Variants in GRIA3 observed in about 807,000 individuals in gnomAD.
The protein encoded by GRIA3 is glutamate ionotropic receptor AMPA type subunit 3.
In GRIA3, 3 loss-of-function variants were observed where a neutral mutation model predicts 63.0. The observed-to-expected ratio is 0.05, with a 90% confidence interval of 0.02 to 0.12. The LOEUF (loss-of-function observed/expected upper bound fraction) is 0.12, where lower values mean the gene tolerates loss of function less well. Among genes scored for constraint, GRIA3 ranks in the 10% least tolerant of loss-of-function variants. GRIA3 has a pLI of 1.00. For synonymous variants in GRIA3, 274 were observed against 257.9 expected, an observed-to-expected ratio of 1.06 and a Z score of -0.60; for missense variants, 347 against 700.9, an observed-to-expected ratio of 0.50 and a Z score of 5.70.
At chrX:123,345,557 G>A (rs774587928) in intron 4 of GRIA3, among the ~76,000 whole-genome samples, 1 of 110,127 alleles carries the variant, frequency 9.1e-6, no homozygotes, top group East Asian at 2.8e-4. Flanking sequence ...TGCTAGGGGC[G>A]GGAGAGGATG....
intron 2 of GRIA3, among the ~76,000 whole-genome samples, chrX:123,191,925 A>T (rs1241730351): frequency 9.0e-6 from 1 of 111,399 alleles, no homozygotes; most frequent in East Asian, 2.8e-4. Context: ...GGACTATGGG[A>T]AACATACTGC....
At chrX:123,203,126 G>A (rs757667305) in intron 2 of GRIA3, among the ~76,000 whole-genome samples, 12 of 111,993 alleles carry the variant, frequency 1.1e-4, no homozygotes, top group African/African-American at 3.9e-4. Context: ...TCCTCTGACA[G>A]CCTCAGTGAA....
intron 11 of GRIA3, among the ~76,000 whole-genome samples, chrX:123,422,700 T>C (rs1351352418): frequency 8.9e-6 from 1 of 112,506 alleles, no homozygotes; most frequent in East Asian, 2.8e-4. Flanking sequence ...GCCTAGCATG[T>C]AAGTTCTCAA....
intron 3 of GRIA3, among the ~76,000 whole-genome samples, chrX:123,320,150 C>A (rs191904514): frequency 3.0e-3 from 333 of 111,407 alleles, no homozygotes; most frequent in Middle Eastern, 9.3e-3. Context: ...TGGACACTAA[C>A]CTTCTGTGGA....
chrX:123,254,611 C>T (rs1248116219), intron 3 of GRIA3, among the ~76,000 whole-genome samples: 1 of 112,042 alleles, frequency 8.9e-6, no homozygotes, highest in Non-Finnish European at 1.9e-5. Context: ...GGCCATTTTG[C>T]TCTTGGGAAT....
chrX:123,387,519 G>C (rs1209484438), intron 5 of GRIA3, among the ~76,000 whole-genome samples: 1 of 111,323 alleles, frequency 9.0e-6, no homozygotes, highest in African/African-American at 3.3e-5. Flanking sequence ...CCATTTCTCA[G>C]AGGAAAGGTT....
rs374514027 is a variant in GRIA3 at position 123,404,520 on chromosome X, CAA to C, written c.1294-171_1294-170del. Among the ~76,000 whole-genome samples, 511 of 65,453 alleles carry C rather than the reference CAA, an allele frequency of 7.8e-3. 3 individuals carry two copies. Among genetic ancestry groups the C allele is most frequent in the African/African-American group, 0.026 (468 of 18,299 alleles). The allele number at this position is 65,453 out of a possible 115,157, so 56.8% of individuals were successfully genotyped here. A position where few individuals can be genotyped will look rare whatever the true frequency, so the allele number is the denominator to read the frequency against. ...ATTACCAGTTAAGGACTCCCCCTAC[CAA>C]AAAAAAAAAAAAAAAAGTGACCCAA... On this transcript the variant is annotated intron_variant, in intron 9 of 15. Transcript: ENST00000620443.
chrX:123,440,127 C>T (rs2045665794), intron 12 of GRIA3, among the ~76,000 whole-genome samples: 1 of 112,385 alleles, frequency 8.9e-6, no homozygotes, highest in East Asian at 2.8e-4. Flanking sequence ...GACATGATCT[C>T]GTTCTTTTTT....
chrX:123,465,877 C>A, intron 13 of GRIA3: 2 of 701,013 alleles, frequency 2.9e-6, no homozygotes, highest in Non-Finnish European at 4.6e-6. Flanking sequence ...GAGCACAAGA[C>A]TCACACATAA....
At position 123,477,048 on chromosome X, in the gene GRIA3, T is replaced by C. The variant is rs188521543; in HGVS notation, c.2325-3015T>C. On this transcript the variant is annotated intron_variant, in intron 13 of 15. Transcript: ENST00000620443. ...ATGGCCTAAGGCAGGGATAAGCCAT[T>C]GTTCAGAAGTAGGATGCTAAGTCAC... is the stretch of plus-strand genomic sequence containing the variant. 5.3e-3 allele frequency among the ~76,000 whole-genome samples: 590 copies of C among 111,726 alleles called. 4 individuals carry two copies. Among genetic ancestry groups the C allele is most frequent in the African/African-American group, 0.019 (575 of 30,765 alleles).
intron 2 of GRIA3, among the ~76,000 whole-genome samples, chrX:123,249,624 T>C (rs1158150322): frequency 3.6e-5 from 4 of 111,713 alleles, no homozygotes; most frequent in Non-Finnish European, 7.5e-5. Context: ...TGAAGGACAG[T>C]TGTACTTCTG....
Position 123,372,711 on chromosome X carries a change from AT to A in GRIA3, c.750+17749del, listed in dbSNP as rs760939213. 3.6e-5 allele frequency among the ~76,000 whole-genome samples: 4 copies of A among 111,414 alleles called. No homozygotes were observed. The Admixed American group carries it at 3.8e-4, about 11-fold the overall frequency. On this transcript the variant is annotated intron_variant, in intron 5 of 15. Coordinates refer to ENST00000620443, the MANE Select transcript of GRIA3 (RefSeq NM_007325.5). ...ATATAGAAATGCTACTGATTTTCAT[AT>A]GTTAATTTTCTATCCTGCAACTTTC...
At chrX:123,477,488 C>A (rs1603178420) in intron 13 of GRIA3, among the ~76,000 whole-genome samples, 2 of 111,890 alleles carry the variant, frequency 1.8e-5, no homozygotes, top group East Asian at 5.6e-4. Context: ...ATTTCTGCTT[C>A]TTCAATCAAT....
At chrX:123,195,053 T>A (rs771986768) in intron 2 of GRIA3, among the ~76,000 whole-genome samples, 1 of 113,322 alleles carries the variant, frequency 8.8e-6, no homozygotes, top group Admixed American at 9.3e-5. Context: ...CTTTCTTTGC[T>A]TATTAGCTAA....
At chrX:123,463,568 AAGGAAGGAAGGGAGGG>A (rs1384293372) in intron 12 of GRIA3, among the ~76,000 whole-genome samples, 1 of 32,050 alleles carries the variant, frequency 3.1e-5, no homozygotes, top group Non-Finnish European at 5.0e-5. Context: ...GGAAGGAAGG[AAGGAAGGAAGGGAGGG>A]AGGGAGGGAG....
Position 123,332,725 on chromosome X carries a change from T to C in GRIA3, c.696+6512T>C, listed in dbSNP as rs144348969. ...GAAGATGGTCAGGAGCCATGGTTAA[T>C]ATAAATTATAAATTTGGAGGGACAG... On this transcript the variant is annotated intron_variant, in intron 4 of 15. Coordinates refer to ENST00000620443, the MANE Select transcript of GRIA3 (RefSeq NM_007325.5). Among the ~76,000 whole-genome samples the C allele has an allele frequency of 4.2e-3, 471 of 111,716 alleles. 1 individual carries two copies. Among genetic ancestry groups the C allele is most frequent in the African/African-American group, 0.014 (428 of 30,768 alleles).
At chrX:123,204,188 G>A (rs757220057) in intron 2 of GRIA3, among the ~76,000 whole-genome samples, 3 of 111,934 alleles carry the variant, frequency 2.7e-5, no homozygotes, top group Non-Finnish European at 5.6e-5. Context: ...AAGCCAATGA[G>A]AGAACTAATT....
chrX:123,485,471 C>G (rs1255345103), intron 15 of GRIA3, among the ~76,000 whole-genome samples: 1 of 111,624 alleles, frequency 9.0e-6, no homozygotes, highest in Non-Finnish European at 1.9e-5. Flanking sequence ...CTTTGCTAAA[C>G]CATGCTACTT....
intron 3 of GRIA3, among the ~76,000 whole-genome samples, chrX:123,262,711 T>C (rs1272845268): frequency 9.0e-6 from 1 of 111,717 alleles, no homozygotes; most frequent in Non-Finnish European, 1.9e-5. Context: ...AAGAGCTAGA[T>C]TGTGTGGTAT....
Sources: gnomAD v4.1 joint callset for allele counts (sites outside exome capture counted in the v4.1 genomes callset) on GRCh38, gnomAD v4.1.1 for gene constraint, MANE v1.5 for transcripts, NCBI Gene and HGNC (gene_info 2026-07-23, HGNC 2026-07-21) for gene names.